CFTR: variants seen among roughly 807,000 people sequenced by gnomAD.
CFTR encodes the protein CF transmembrane conductance regulator.
A neutral mutation model predicts 171.6 loss-of-function variants in CFTR; 181 were observed. The observed-to-expected ratio is 1.05, with a 90% confidence interval of 0.93 to 1.19. The LOEUF is 1.19. CFTR is among the 50% of genes most tolerant of loss of function. CFTR has a pLI of 0.00. For synonymous variants in CFTR, 583 were observed against 608.0 expected (o/e 0.96, Z 0.60); for missense variants, 1,968 against 1,734.7 (o/e 1.13, Z -2.39).
At chr7:117,519,521 T>C (rs1208038734) in intron 3 of CFTR, among the ~76,000 whole-genome samples, 1 of 152,060 alleles carries the variant, frequency 6.6e-6, no homozygotes, top group Non-Finnish European at 1.5e-5. Flanking sequence ...GTTTTCTTTT[T>C]ATTTATTATT....
At chr7:117,626,386 A>G (rs1162692199) in intron 21 of CFTR, among the ~76,000 whole-genome samples, 1 of 152,146 alleles carries the variant, frequency 6.6e-6, no homozygotes, top group Non-Finnish European at 1.5e-5. Flanking sequence ...TTTTCCAAAA[A>G]GAATAATTTT....
chr7:117,665,870 T>C (rs1340496812), intron 26 of CFTR, among the ~76,000 whole-genome samples: 1 of 152,212 alleles, frequency 6.6e-6, no homozygotes, highest in Non-Finnish European at 1.5e-5. Flanking sequence ...ACTCTACTGT[T>C]TAAGATTTTA....
At chr7:117,530,781 C>T (rs943747814) in intron 3 of CFTR, 118 bp from the exon 4 acceptor site, 5 of 721,960 alleles carry the variant, frequency 6.9e-6, no homozygotes, top group Non-Finnish European at 1.2e-5. Flanking sequence ...ATGGTATGAC[C>T]CTCTATATAA....
chr7:117,646,004 T>G (rs1488194959), intron 23 of CFTR, among the ~76,000 whole-genome samples: 5 of 152,200 alleles, frequency 3.3e-5, no homozygotes, highest in African/African-American at 7.2e-5. Flanking sequence ...GTACATTGTT[T>G]TGTGCTGAAT....
intron 9 of CFTR, among the ~76,000 whole-genome samples, chr7:117,547,356 A>C (rs188229269): frequency 9.2e-5 from 14 of 152,252 alleles, no homozygotes; most frequent in African/African-American, 3.4e-4. Context: ...AAAACCCTGA[A>C]GCTGCAGTTT....
intron 2 of CFTR, among the ~76,000 whole-genome samples, chr7:117,504,961 G>A (rs1798391450): frequency 1.3e-5 from 2 of 152,020 alleles, no homozygotes; most frequent in Non-Finnish European, 2.9e-5. Flanking sequence ...CCATTATGAA[G>A]TAAATCGTGT....
At chr7:117,639,431 ATGCCTAC>A (rs1470383943) in intron 22 of CFTR, among the ~76,000 whole-genome samples, 4 of 152,148 alleles carry the variant, frequency 2.6e-5, no homozygotes, top group Non-Finnish European at 5.9e-5. Flanking sequence ...TCCTCTCAAA[ATGCCTAC>A]TGGGAACTTA....
At position 117,665,762 on chromosome 7, in the gene CFTR, T is replaced by C. The variant is rs1429568; in HGVS notation, c.4242+198T>C. Among the ~76,000 whole-genome samples, 35,248 of 152,166 alleles carry C rather than the reference T, an allele frequency of 0.23. 4,415 individuals carry two copies. The highest frequency in any genetic ancestry group is 0.25 in the African/African-American group (10,255 of 41,498). The stretch of plus-strand genomic sequence containing the variant: ...TGAGCCATGTGGTGAGGTTGAAATA[T>C]AGTAAATCTAAAATGGCAGCATATT... On this transcript the variant is annotated intron_variant, in intron 26 of 26. Transcript: ENST00000003084.
chr7:117,484,269 G>A (rs1425622339), intron 1 of CFTR, among the ~76,000 whole-genome samples: 2 of 152,144 alleles, frequency 1.3e-5, no homozygotes, highest in Non-Finnish European at 2.9e-5. Context: ...TAAAATAGAT[G>A]CATAAAACAA....
rs1322987429 is a variant in CFTR at position 117,665,510 on chromosome 7, A to G, written c.4188A>G (p.Thr1396=). The part of the protein sequence containing the change: ...RTLKQAFADC[T]VILCEHRIEA... ...TAAAACAAGCATTTGCTGATTGCAC[A>G]GTAATTCTCTGTGAACACAGGATAG... Residue 1396 remains threonine, a synonymous_variant, in exon 26 of 27, where the codon ACA becomes ACG. Coordinates refer to ENST00000003084, the MANE Select transcript of CFTR (RefSeq NM_000492.4). The G allele has an allele frequency of 1.1e-5, 18 of 1,613,514 alleles. No homozygotes were observed. Among genetic ancestry groups the G allele is most frequent in the Non-Finnish European group, 1.5e-5 (18 of 1,179,580 alleles).
At chr7:117,547,301 T>G (rs916636490) in intron 9 of CFTR, among the ~76,000 whole-genome samples, 2 of 152,252 alleles carry the variant, frequency 1.3e-5, no homozygotes, top group South Asian at 2.1e-4. Flanking sequence ...ATGTAGTTTC[T>G]TGTGTATTTT....
In CFTR at chr7:117,495,554, A is replaced by T. The variant is rs549937495; in HGVS notation, c.54-8699A>T. 6.6e-5 allele frequency among the ~76,000 whole-genome samples: 10 copies of T among 152,232 alleles called. No individual in the cohort carries two copies. The South Asian group carries it at 1.7e-3, about 25-fold the overall frequency. On this transcript the variant is annotated intron_variant, in intron 1 of 26. Transcript: ENST00000003084. Reference sequence around the variant, plus strand: ...CGATACTATTGCTCTTACAACTTTTATCTGAAGTCATAAATTCATAGTTGT... The same window carrying T: ...CGATACTATTGCTCTTACAACTTTTTTCTGAAGTCATAAATTCATAGTTGT...
chr7:117,580,429 A>G (rs1791832986), intron 11 of CFTR, among the ~76,000 whole-genome samples: 1 of 152,096 alleles, frequency 6.6e-6, no homozygotes, highest in South Asian at 2.1e-4. Context: ...TTGCTAATAT[A>G]AATATAATTC....
intron 3 of CFTR, among the ~76,000 whole-genome samples, chr7:117,530,129 A>G (rs1030388539): frequency 6.6e-6 from 1 of 152,090 alleles, no homozygotes; most frequent in Non-Finnish European, 1.5e-5. Context: ...GGGAAAACAT[A>G]ACTTCCGCTC....
chr7:117,611,160 A>G (rs1792379373), intron 19 of CFTR, among the ~76,000 whole-genome samples: 1 of 152,074 alleles, frequency 6.6e-6, no homozygotes, highest in Non-Finnish European at 1.5e-5. Flanking sequence ...GTGTGGGTGC[A>G]TTTTCAGGCA....
chr7:117,591,503 A>G (rs1240566639), intron 13 of CFTR, among the ~76,000 whole-genome samples: 1 of 152,086 alleles, frequency 6.6e-6, no homozygotes, highest in East Asian at 1.9e-4. Flanking sequence ...TGGTCAACCT[A>G]AAATGTAAAA....
At chr7:117,585,990 T>C (rs2116012386) in intron 11 of CFTR, among the ~76,000 whole-genome samples, 1 of 152,272 alleles carries the variant, frequency 6.6e-6, no homozygotes, top group East Asian at 1.9e-4. Context: ...AGGAAAAATG[T>C]GAGGCAGGAG....
chr7:117,544,972 G>T (rs1799115227), intron 9 of CFTR, among the ~76,000 whole-genome samples: 1 of 152,190 alleles, frequency 6.6e-6, no homozygotes, highest in Admixed American at 6.5e-5. Context: ...AAGTGATGAT[G>T]GGCCAGTGGG....
rs771716655 is a variant in CFTR, at chr7:117,540,239, T to G, written c.1009T>G (p.Phe337Val). Residue 337 changes from phenylalanine (F) to valine (V), a missense_variant, in exon 8 of 27, where the codon TTC becomes GTC. By Grantham distance (50) the Phe-to-Val change is conservative. Coordinates refer to ENST00000003084, the MANE Select transcript of CFTR (RefSeq NM_000492.4). ...CAAAGGAATCATCCTCCGGAAAATATTCACCACCATCTCATTCTGCATTGT... is the reference window on the plus strand; with the variant it reads ...CAAAGGAATCATCCTCCGGAAAATAGTCACCACCATCTCATTCTGCATTGT... Reference protein sequence around the residue: ...LIKGIILRKIFTTISFCIVLR... With the variant: ...LIKGIILRKIVTTISFCIVLR... 1 of 1,614,144 alleles carries G rather than the reference T, an allele frequency of 6.2e-7. No homozygotes were observed. The highest frequency in any genetic ancestry group is 8.5e-7 in the Non-Finnish European group (1 of 1,180,000).
Sources: allele counts gnomAD v4.1 joint callset (sites outside exome capture counted in the v4.1 genomes callset), GRCh38; gene constraint gnomAD v4.1.1; transcripts MANE v1.5; gene names NCBI Gene and HGNC (gene_info 2026-07-23, HGNC 2026-07-21).